The following ITGA9 variants were observed in gnomAD, a reference collection of about 807,000 sequenced individuals.
The protein encoded by ITGA9 is integrin alpha-9.
Under a neutral mutation model 127.8 loss-of-function variants are expected in ITGA9, and 56 were observed. The ratio of observed to expected loss-of-function variants is 0.44; its 90% CI spans 0.35 to 0.55. The LOEUF is 0.55. Among genes scored for constraint, ITGA9 ranks in the 20% least tolerant of loss-of-function variants. ITGA9 has a pLI of 0.00. For synonymous variants in ITGA9, 508 were observed against 514.5 expected, an observed-to-expected ratio of 0.99 and a Z score of 0.17; for missense variants, 1,196 against 1,347.1, an observed-to-expected ratio of 0.89 and a Z score of 1.76.
At chr3:37,514,529 G>T (rs1300786271) in intron 9 of ITGA9, among the ~76,000 whole-genome samples, 1 of 151,674 alleles carries the variant, frequency 6.6e-6, no homozygotes, top group East Asian at 1.9e-4. Context: ...ACTCATTTCA[G>T]CATGGGGGGG....
intron 15 of ITGA9, among the ~76,000 whole-genome samples, chr3:37,618,305 C>T (rs1214632949): frequency 6.6e-6 from 1 of 152,192 alleles, no homozygotes; most frequent in Non-Finnish European, 1.5e-5. Flanking sequence ...ATGTAGCTGC[C>T]TGATCATTCC....
At chr3:37,622,819 A>T (rs1027250380) in intron 15 of ITGA9, among the ~76,000 whole-genome samples, 3 of 152,036 alleles carry the variant, frequency 2.0e-5, no homozygotes, top group Non-Finnish European at 2.9e-5. Flanking sequence ...CACTGCACAG[A>T]GTGAAACTCT....
At chr3:37,503,451 G>A in intron 6 of ITGA9, 144 bp downstream of exon 6, 3 of 895,826 alleles carry the variant, frequency 3.3e-6, no homozygotes, top group East Asian at 2.7e-5. Context: ...TTTAGCCAGG[G>A]CATCTTCACA....
At chr3:37,581,112 A>G (rs934693228) in intron 15 of ITGA9, among the ~76,000 whole-genome samples, 8 of 152,202 alleles carry the variant, frequency 5.3e-5, no homozygotes, top group African/African-American at 1.9e-4. Flanking sequence ...GGAAGCAGGG[A>G]AGTGACCTGA....
At chr3:37,702,433 G>A (rs1404719156) in intron 18 of ITGA9, among the ~76,000 whole-genome samples, 1 of 152,200 alleles carries the variant, frequency 6.6e-6, no homozygotes, top group African/African-American at 2.4e-5. Flanking sequence ...TGGCAAGGTG[G>A]TTAGAGCTGT....
intron 27 of ITGA9, 110 bp from the exon 28 acceptor site, chr3:37,818,781 C>A: frequency 1.3e-6 from 1 of 796,122 alleles, no homozygotes; most frequent in African/African-American, 1.7e-5. Flanking sequence ...CCAAGCCTCC[C>A]CAGCCCTGTG....
rs79926416 is a variant in ITGA9, at chr3:37,523,326, A to G, written c.1237-195A>G. The stretch of plus-strand genomic sequence containing the variant: ...TTTTAAATGATGACGTTTGGCCAAG[A>G]CAAGTAATAATAAAGGAGTGTGTGG... On this transcript the variant is annotated intron_variant, in intron 11 of 27. Transcript: ENST00000264741. 2.8e-3 allele frequency among the ~76,000 whole-genome samples: 431 copies of G among 152,328 alleles called. 1 individual carries two copies. Among genetic ancestry groups the G allele is most frequent in the African/African-American group, 9.7e-3 (402 of 41,570 alleles).
intron 15 of ITGA9, among the ~76,000 whole-genome samples, chr3:37,571,630 T>C (rs1005814967): frequency 6.6e-6 from 1 of 152,188 alleles, no homozygotes; most frequent in African/African-American, 2.4e-5. Context: ...GGGTTGGGAC[T>C]AGGAGTGCAT....
rs200738395 is a variant in ITGA9 at position 37,680,371 on chromosome 3, T to TA, written c.1917-3486dup. 3.1e-3 allele frequency among the ~76,000 whole-genome samples: 470 copies of TA among 152,174 alleles called. 4 individuals carry two copies. The highest frequency in any genetic ancestry group is 0.01 in the Middle Eastern group (3 of 294). ...TGAAACCCCAGCTTTGAGACTCCTC[T>TA]AAAAAAAATCTGAGTTCACATTCTG... On this transcript the variant is annotated intron_variant, in intron 17 of 27. Coordinates refer to ENST00000264741, the MANE Select transcript of ITGA9 (RefSeq NM_002207.3).
chr3:37,789,768 CAAAAA>C (rs71635850), intron 26 of ITGA9, among the ~76,000 whole-genome samples: 64 of 35,680 alleles, frequency 1.8e-3, no homozygotes, highest in African/African-American at 7.4e-3. Context: ...GACTCCGTCT[CAAAAA>C]AAAAAAAAAA....
intron 23 of ITGA9, among the ~76,000 whole-genome samples, chr3:37,773,154 T>C (rs1696864829): frequency 6.6e-6 from 1 of 152,192 alleles, no homozygotes; most frequent in East Asian, 1.9e-4. Context: ...CCAAGCTTCC[T>C]CTCCCTGCCT....
intron 23 of ITGA9, among the ~76,000 whole-genome samples, chr3:37,753,196 A>G (rs928017509): frequency 3.3e-5 from 5 of 152,168 alleles, no homozygotes; most frequent in Non-Finnish European, 5.9e-5. Flanking sequence ...GAAATAGCAA[A>G]ATTACTAGTA....
At chr3:37,719,836 A>G (rs966069058) in intron 18 of ITGA9, among the ~76,000 whole-genome samples, 1 of 152,082 alleles carries the variant, frequency 6.6e-6, no homozygotes, top group African/African-American at 2.4e-5. Flanking sequence ...GCTTGTCCCA[A>G]AGTCTGCTCA....
Position 37,629,281 on chromosome 3 carries a change from C to G in ITGA9, c.1784C>G (p.Pro595Arg). 6.2e-7 allele frequency: 1 copy of G among 1,614,154 alleles called. No homozygotes were observed. The highest frequency in any genetic ancestry group is 2.2e-5 in the East Asian group (1 of 44,882). The change falls in exon 16 of 28, where the codon CCT (proline) becomes CGT (arginine). Residue 595 changes from proline to arginine, a missense_variant. Coordinates refer to ENST00000264741, the MANE Select transcript of ITGA9 (RefSeq NM_002207.3). The surrounding 1 kb of genome is among the most constrained non-coding windows in gnomAD (Gnocchi z 4.5). ...GGAGAGGAGGAGAGGGAACTGCCGC[C>G]TCTGACACCAGTTCTCCGCTGGAAA... ...VTGEEERELP[P>R]LTPVLRWKKG...
chr3:37,524,911 A>G (rs976152114), intron 12 of ITGA9, among the ~76,000 whole-genome samples: 27 of 152,364 alleles, frequency 1.8e-4, no homozygotes, highest in Middle Eastern at 6.8e-3. Flanking sequence ...TTATTTTTAA[A>G]CATATAGCAA....
chr3:37,635,001 G>A (rs949219543), intron 16 of ITGA9, among the ~76,000 whole-genome samples: 8 of 152,312 alleles, frequency 5.3e-5, no homozygotes, highest in South Asian at 2.1e-4. Flanking sequence ...TGACCATTGG[G>A]TTAATGAAAT....
intron 27 of ITGA9, among the ~76,000 whole-genome samples, chr3:37,812,291 C>T (rs1469233365): frequency 6.6e-6 from 1 of 152,214 alleles, no homozygotes; most frequent in African/African-American, 2.4e-5. Context: ...GAACTATAAA[C>T]ATGAAGTCTT....
chr3:37,658,497 A>G (rs923642628), intron 17 of ITGA9, among the ~76,000 whole-genome samples: 2 of 152,164 alleles, frequency 1.3e-5, no homozygotes, highest in Admixed American at 6.5e-5. Flanking sequence ...ATCAGAGACT[A>G]GGATTGCAAC....
At chr3:37,650,853 C>T (rs1700423111) in intron 16 of ITGA9, among the ~76,000 whole-genome samples, 1 of 152,150 alleles carries the variant, frequency 6.6e-6, no homozygotes, top group Admixed American at 6.5e-5. Context: ...GACAAAATTG[C>T]TATCACTGCA....
Sources: gnomAD v4.1 joint callset for allele counts (sites outside exome capture counted in the v4.1 genomes callset) on GRCh38, gnomAD v4.1.1 for gene constraint, Gnocchi (gnomAD v3.1) non-coding constraint, MANE v1.5 for transcripts, NCBI Gene and HGNC (gene_info 2026-07-23, HGNC 2026-07-21) for gene names.